FAM13C: variants seen among roughly 807,000 people sequenced by gnomAD.
FAM13C encodes the protein family with sequence similarity 13 member C.
Under a neutral mutation model 73.2 loss-of-function variants are expected in FAM13C, and 37 were observed. The ratio of observed to expected loss-of-function variants is 0.51; its 90% CI spans 0.39 to 0.67. The LOEUF (loss-of-function observed/expected upper bound fraction) is 0.67. Ranked by LOEUF, FAM13C falls within the 30% of genes least tolerant of loss-of-function variation. The pLI, the probability that FAM13C is intolerant of heterozygous loss-of-function variation, is 0.00. For synonymous variants in FAM13C, 246 were observed against 260.9 expected, an observed-to-expected ratio of 0.94 and a Z score of 0.55; for missense variants, 589 against 715.6, an observed-to-expected ratio of 0.82 and a Z score of 2.02.
intron 3 of FAM13C, among the ~76,000 whole-genome samples, chr10:59,348,623 T>C (rs778663125): frequency 6.6e-6 from 1 of 152,336 alleles, no homozygotes; most frequent in Non-Finnish European, 1.5e-5. Flanking sequence ...TTTAATGACC[T>C]ACTCCAGACT....
intron 3 of FAM13C, among the ~76,000 whole-genome samples, chr10:59,351,949 T>C (rs769266292): frequency 1.3e-5 from 2 of 152,170 alleles, no homozygotes; most frequent in Non-Finnish European, 2.9e-5. Flanking sequence ...GGAGCCGAGA[T>C]GGCGCCACTG....
intron 4 of FAM13C, among the ~76,000 whole-genome samples, chr10:59,315,383 T>C: frequency 6.6e-6 from 1 of 152,212 alleles, no homozygotes; most frequent in East Asian, 1.9e-4. Flanking sequence ...CATGTCCCCA[T>C]GTTAATAAAG....
Position 59,264,076 on chromosome 10 carries a change from G to A in FAM13C, c.1024+9C>T, listed in dbSNP as rs556346617. 1.2e-6 allele frequency: 2 copies of A among 1,611,510 alleles called. No individual in the cohort carries two copies. The highest frequency in any genetic ancestry group is 1.7e-6 in the Non-Finnish European group (2 of 1,177,992). On this transcript the variant is annotated intron_variant, in intron 9 of 13. Transcript: ENST00000618804. The stretch of plus-strand genomic sequence containing the variant: ...TTGTGAGGAAAAAAGATCTTTGGCT[G>A]GGATTTACCTTTGAGCTGTTTACGA...
chr10:59,246,649 G>A lies in FAM13C; in HGVS notation c.*965C>T. The A allele has an allele frequency of 2.5e-6, 1 of 397,584 alleles. No homozygotes were observed. Among genetic ancestry groups the A allele is most frequent in the Non-Finnish European group, 4.4e-6 (1 of 225,274 alleles). The allele number at this position is 397,584 out of a possible 1,614,324, so 24.6% of individuals were successfully genotyped here. On this transcript the variant is annotated 3_prime_UTR_variant, in exon 14 of 14. Transcript: ENST00000618804. ...ATAAATATTCTGGCTTCTTTTTCAAGGTATCAGGGCAAACAATTTCCAAAC... is the reference window on the plus strand; with the variant it reads ...ATAAATATTCTGGCTTCTTTTTCAAAGTATCAGGGCAAACAATTTCCAAAC...
chr10:59,317,378 C>T (rs1371923369), intron 4 of FAM13C, among the ~76,000 whole-genome samples: 1 of 152,078 alleles, frequency 6.6e-6, no homozygotes, highest in Non-Finnish European at 1.5e-5. Context: ...TGAAATTTCT[C>T]TTAAACCTAT....
At chr10:59,349,845 T>G (rs1162787734) in intron 3 of FAM13C, among the ~76,000 whole-genome samples, 1 of 152,218 alleles carries the variant, frequency 6.6e-6, no homozygotes, top group African/African-American at 2.4e-5. Context: ...TTATTTTTAT[T>G]GTTCTATTTT....
At chr10:59,329,312 C>CA (rs1005449936) in intron 3 of FAM13C, among the ~76,000 whole-genome samples, 1 of 143,218 alleles carries the variant, frequency 7.0e-6, no homozygotes, top group Non-Finnish European at 1.5e-5. Flanking sequence ...CCTCTGATTC[C>CA]ATTTTTTTTT....
intron 1 of FAM13C, among the ~76,000 whole-genome samples, chr10:59,361,322 GC>G (rs1426068189): frequency 6.6e-6 from 1 of 152,074 alleles, no homozygotes; most frequent in Non-Finnish European, 1.5e-5. Context: ...GGCCTAGGAA[GC>G]ACTGTAAACC....
intron 3 of FAM13C, among the ~76,000 whole-genome samples, chr10:59,349,959 C>T (rs1392445841): frequency 6.6e-6 from 1 of 152,158 alleles, no homozygotes; most frequent in Non-Finnish European, 1.5e-5. Flanking sequence ...AAAATGGCAT[C>T]CGAGTCTCAC....
intron 3 of FAM13C, among the ~76,000 whole-genome samples, chr10:59,350,548 T>G (rs1371230548): frequency 6.6e-6 from 1 of 152,178 alleles, no homozygotes; most frequent in Non-Finnish European, 1.5e-5. Context: ...CATTCAGTAA[T>G]AATCTCAAGC....
chr10:59,321,430 ACCT>A (rs1850253818), intron 4 of FAM13C, among the ~76,000 whole-genome samples: 1 of 74,382 alleles, frequency 1.3e-5, no homozygotes, highest in Admixed American at 1.6e-4. Context: ...CCCTGCCAAC[ACCT>A]TTTTTTTTTT....
chr10:59,270,244 A>C, intron 6 of FAM13C, 135 bp from the exon 7 acceptor site: 1 of 815,758 alleles, frequency 1.2e-6, no homozygotes, highest in East Asian at 2.7e-5. Flanking sequence ...GGGATATGAA[A>C]AGCTTTCAAA....
intron 3 of FAM13C, among the ~76,000 whole-genome samples, chr10:59,342,579 T>C (rs112033573): frequency 1.3e-5 from 2 of 152,244 alleles, no homozygotes; most frequent in Admixed American, 6.5e-5. Flanking sequence ...GTATACCCCA[T>C]GCAATATTTG....
chr10:59,262,375 T>C, intron 10 of FAM13C, 59 bp downstream of exon 10: 1 of 1,427,358 alleles, frequency 7.0e-7, no homozygotes, highest in Non-Finnish European at 9.7e-7. Context: ...AATTGGATGA[T>C]CTCATTAGCA....
chr10:59,300,095 C>G (rs1306770361), intron 5 of FAM13C, among the ~76,000 whole-genome samples: 3 of 152,150 alleles, frequency 2.0e-5, no homozygotes, highest in Non-Finnish European at 4.4e-5. Context: ...AGACAACATA[C>G]ATGGATACGC....
intron 13 of FAM13C, among the ~76,000 whole-genome samples, chr10:59,250,581 A>G (rs1249777918): frequency 3.3e-5 from 5 of 152,194 alleles, no homozygotes; most frequent in Admixed American, 3.3e-4. Context: ...TAGACCACGC[A>G]TGAGAGTTTC....
chr10:59,321,108 A>G (rs767980769), intron 4 of FAM13C, among the ~76,000 whole-genome samples: 5 of 152,214 alleles, frequency 3.3e-5, no homozygotes, highest in Non-Finnish European at 7.3e-5. Context: ...CCATGTCTTC[A>G]TCATTGTCGC....
At chr10:59,270,281 C>T (rs1419106449) in intron 6 of FAM13C, 172 bp from the exon 7 acceptor site, 5 of 656,662 alleles carry the variant, frequency 7.6e-6, no homozygotes, top group South Asian at 2.0e-5. Flanking sequence ...TCTCACAGAA[C>T]CTGGACAGAA....
intron 1 of FAM13C, among the ~76,000 whole-genome samples, chr10:59,358,859 CAAAG>C (rs1165013232): frequency 1.3e-5 from 2 of 152,178 alleles, no homozygotes; most frequent in Non-Finnish European, 2.9e-5. Context: ...AGTTGCCACT[CAAAG>C]AACACAATTC....
Sources: gnomAD v4.1 joint callset for allele counts (sites outside exome capture counted in the v4.1 genomes callset) on GRCh38, gnomAD v4.1.1 for gene constraint, MANE v1.5 for transcripts, NCBI Gene and HGNC (gene_info 2026-07-23, HGNC 2026-07-21) for gene names.